The following CEP112 variants were observed in gnomAD, a reference collection of about 807,000 sequenced individuals.
CEP112 encodes the protein centrosomal protein of 112 kDa.
CEP112 carries 127 observed loss-of-function variants against 153.0 expected under a neutral mutation model. That is an observed-to-expected ratio of 0.83 (90% CI 0.72 to 0.96). The LOEUF is 0.96. Ranked by LOEUF, CEP112 falls within the 40% of genes least tolerant of loss-of-function variation. CEP112 has a pLI of 0.00. For missense variants in CEP112, 1,089 were observed against 1,101.2 expected, an observed-to-expected ratio of 0.99 and a Z score of 0.16; for synonymous variants, 358 against 374.4, an observed-to-expected ratio of 0.96 and a Z score of 0.51.
chr17:65,968,639 A>G (rs1232867393), intron 17 of CEP112, among the ~76,000 whole-genome samples: 1 of 152,316 alleles, frequency 6.6e-6, no homozygotes, highest in African/African-American at 2.4e-5. Context: ...CCTGCTCATC[A>G]CAGTTAGGGC....
intron 12 of CEP112, among the ~76,000 whole-genome samples, chr17:66,048,100 GT>G (rs5821549): frequency 0.42 from 62,085 of 148,248 alleles, 14,168 homozygotes; most frequent in East Asian, 0.87. Context: ...TATCATTTTT[GT>G]TTTTTTTTTT....
rs773829533 is a variant in CEP112 at position 65,689,146 on chromosome 17, A to G, written c.2680T>C (p.Leu894=). ...CAEKKLQHKE[L]ESQEQITYIR... ...GAGGGTACCTGTTCCTGTGACTCCA[A>G]TTCTTTGTGTTGTAATTTTTTCTCT... Residue 894 remains leucine (L), a synonymous_variant, in exon 24 of 27, where the codon TTG becomes CTG. Coordinates refer to ENST00000535342, the MANE Select transcript of CEP112 (RefSeq NM_001199165.4). 1.2e-6 allele frequency: 2 copies of G among 1,612,284 alleles called. No homozygotes were observed. Among genetic ancestry groups the G allele is most frequent in the African/African-American group, 1.3e-5 (1 of 74,990 alleles).
At chr17:65,750,230 T>C (rs1389977775) in intron 22 of CEP112, among the ~76,000 whole-genome samples, 8 of 152,198 alleles carry the variant, frequency 5.3e-5, no homozygotes, top group East Asian at 1.9e-4. Flanking sequence ...CTAGAATTAT[T>C]TGTCATTTTG....
At chr17:65,829,125 A>T (rs531044102) in intron 21 of CEP112, among the ~76,000 whole-genome samples, 1 of 152,276 alleles carries the variant, frequency 6.6e-6, no homozygotes, top group Non-Finnish European at 1.5e-5. Flanking sequence ...CAATATATTA[A>T]AAAATAGTAT....
At chr17:65,675,486 G>A (rs567758433) in intron 24 of CEP112, among the ~76,000 whole-genome samples, 1 of 152,242 alleles carries the variant, frequency 6.6e-6, no homozygotes, top group East Asian at 1.9e-4. Flanking sequence ...GATTACAGGT[G>A]TGAGCCACCA....
intron 17 of CEP112, among the ~76,000 whole-genome samples, chr17:65,974,592 G>A (rs540065529): frequency 1.3e-5 from 2 of 152,214 alleles, no homozygotes; most frequent in African/African-American, 4.8e-5. Context: ...TGCAAATATT[G>A]GGAACAACCT....
intron 6 of CEP112, among the ~76,000 whole-genome samples, chr17:66,100,409 GA>G (rs35510367): frequency 0.72 from 85,026 of 118,396 alleles, 30,880 homozygotes; most frequent in East Asian, 0.86. Context: ...TCAAAAAACA[GA>G]AAAAAAAAAA....
At chr17:66,032,661 A>T (rs1290737736) in intron 12 of CEP112, among the ~76,000 whole-genome samples, 1 of 152,244 alleles carries the variant, frequency 6.6e-6, no homozygotes, top group Non-Finnish European at 1.5e-5. Context: ...CATCATCCAC[A>T]GCCTTTATTA....
At chr17:65,838,591 G>A (rs1686247348) in intron 21 of CEP112, among the ~76,000 whole-genome samples, 1 of 151,880 alleles carries the variant, frequency 6.6e-6, no homozygotes, top group South Asian at 2.1e-4. Flanking sequence ...GCACTTCTAG[G>A]AAATATAAAA....
chr17:65,970,774 C>G (rs928606433), intron 17 of CEP112, among the ~76,000 whole-genome samples: 1 of 60,766 alleles, frequency 1.6e-5, no homozygotes, highest in Non-Finnish European at 3.9e-5. Flanking sequence ...TTACATGTTA[C>G]ATGCATGCAT....
chr17:65,661,274 C>T (rs1486564278), intron 24 of CEP112, among the ~76,000 whole-genome samples: 1 of 152,174 alleles, frequency 6.6e-6, no homozygotes, highest in Admixed American at 6.5e-5. Context: ...GTCACGGTAA[C>T]CAACCCTTCC....
chr17:66,109,808 G>C (rs1439447350), intron 6 of CEP112, among the ~76,000 whole-genome samples: 1 of 152,130 alleles, frequency 6.6e-6, no homozygotes, highest in Non-Finnish European at 1.5e-5. Context: ...CAGGGCAAAA[G>C]TAGTCAAGAC....
intron 21 of CEP112, 55 bp from the exon 22 acceptor site, chr17:65,750,779 C>T: frequency 6.6e-7 from 1 of 1,513,200 alleles, no homozygotes; most frequent in Non-Finnish European, 9.2e-7. Context: ...CTTGGTATCT[C>T]TTCCACATGC....
In CEP112 at chr17:66,047,711, C is replaced by A. The variant is rs180925172; in HGVS notation, c.1218+6025G>T. The stretch of plus-strand genomic sequence containing the variant: ...GTAAAGGGTTGAAATTTCTAACACA[C>A]ATTTATTCTTGAGTCTTTTCTACAG... On this transcript the variant is annotated intron_variant, in intron 12 of 26. Transcript: ENST00000535342. Among the ~76,000 whole-genome samples the A allele has an allele frequency of 8.6e-4, 131 of 152,318 alleles. 3 individuals carry two copies. In the South Asian group the frequency reaches 8.7e-3, roughly 10 times the overall value.
At chr17:65,829,529 C>G (rs2056993101) in intron 21 of CEP112, among the ~76,000 whole-genome samples, 1 of 152,076 alleles carries the variant, frequency 6.6e-6, no homozygotes, top group African/African-American at 2.4e-5. Flanking sequence ...TCCCTTTATC[C>G]CAACATCCCT....
intron 22 of CEP112, among the ~76,000 whole-genome samples, chr17:65,747,394 G>A (rs1163543533): frequency 2.0e-5 from 3 of 152,258 alleles, no homozygotes; most frequent in Admixed American, 6.5e-5. Context: ...GGAGACACTC[G>A]TCCCTTGGCA....
intron 4 of CEP112, among the ~76,000 whole-genome samples, chr17:66,170,081 C>T (rs2072180225): frequency 6.6e-6 from 1 of 152,150 alleles, no homozygotes; most frequent in African/African-American, 2.4e-5. Context: ...CCAAAACCAG[C>T]AAACGGAATG....
intron 20 of CEP112, among the ~76,000 whole-genome samples, chr17:65,869,367 C>G (rs940358599): frequency 6.6e-6 from 1 of 152,066 alleles, no homozygotes; most frequent in African/African-American, 2.4e-5. Context: ...AATCATTAGC[C>G]CATCTTGTGG....
intron 19 of CEP112, among the ~76,000 whole-genome samples, chr17:65,917,694 C>T (rs909547684): frequency 4.6e-5 from 7 of 152,060 alleles, no homozygotes; most frequent in Non-Finnish European, 1.0e-4. Context: ...CCTGGCCTTC[C>T]CTTCTTTTCT....
Sources: gnomAD v4.1 joint callset for allele counts (sites outside exome capture counted in the v4.1 genomes callset) on GRCh38, gnomAD v4.1.1 for gene constraint, MANE v1.5 for transcripts, NCBI Gene and HGNC (gene_info 2026-07-23, HGNC 2026-07-21) for gene names.